LHFPL6: variants seen among roughly 807,000 people sequenced by gnomAD.
LHFPL6 encodes the protein LHFPL tetraspan subfamily member 6.
Under a neutral mutation model 20.6 loss-of-function variants are expected in LHFPL6, and 9 were observed. The ratio of observed to expected loss-of-function variants is 0.44; its 90% CI spans 0.26 to 0.76. The LOEUF (loss-of-function observed/expected upper bound fraction) is 0.76, where lower values mean the gene tolerates loss of function less well. Ranked by LOEUF, LHFPL6 falls within the 30% of genes least tolerant of loss-of-function variation. The pLI, the probability that LHFPL6 is intolerant of heterozygous loss-of-function variation, is 0.20. For synonymous variants in LHFPL6, 105 were observed against 98.7 expected (o/e 1.06, Z -0.38); for missense variants, 218 against 253.5 (o/e 0.86, Z 0.95).
chr13:39,402,996 A>G (rs920319574), intron 2 of LHFPL6, among the ~76,000 whole-genome samples: 2 of 152,198 alleles, frequency 1.3e-5, no homozygotes, highest in African/African-American at 4.8e-5. Context: ...GATGGAACCT[A>G]ATTACTGAAA....
At chr13:39,578,655 T>C (rs1170446597) in intron 2 of LHFPL6, among the ~76,000 whole-genome samples, 2 of 152,114 alleles carry the variant, frequency 1.3e-5, no homozygotes, top group African/African-American at 2.4e-5. Context: ...GTTTCCAGAA[T>C]ACGTTTCAAC....
At chr13:39,376,643 A>T (rs994857944) in intron 3 of LHFPL6, among the ~76,000 whole-genome samples, 7 of 152,046 alleles carry the variant, frequency 4.6e-5, no homozygotes, top group Non-Finnish European at 1.0e-4. Context: ...ATCTAACAGA[A>T]TTTTTTTTCA....
intron 2 of LHFPL6, among the ~76,000 whole-genome samples, chr13:39,437,581 G>C (rs1426847179): frequency 1.3e-5 from 2 of 152,232 alleles, no homozygotes; most frequent in East Asian, 3.9e-4. Context: ...ATAAATTATT[G>C]AGTCTCAGGT....
chr13:39,419,817 T>G (rs1475840706), intron 2 of LHFPL6, among the ~76,000 whole-genome samples: 1 of 152,198 alleles, frequency 6.6e-6, no homozygotes, highest in Admixed American at 6.5e-5. Context: ...AGTCTTTCCC[T>G]AAGGTAAACC....
At chr13:39,462,978 T>C (rs571341545) in intron 2 of LHFPL6, among the ~76,000 whole-genome samples, 1 of 152,278 alleles carries the variant, frequency 6.6e-6, no homozygotes, top group Admixed American at 6.5e-5. Context: ...AAGGGTGCCA[T>C]GAACATGTTC....
chr13:39,557,244 C>T (rs1034414366), intron 2 of LHFPL6, among the ~76,000 whole-genome samples: 1 of 152,246 alleles, frequency 6.6e-6, no homozygotes, highest in African/African-American at 2.4e-5. Context: ...CCACCCTGAT[C>T]AGCCTTAGGA....
intron 2 of LHFPL6, among the ~76,000 whole-genome samples, chr13:39,497,672 C>G (rs73464814): frequency 2.0e-5 from 3 of 152,024 alleles, no homozygotes; most frequent in East Asian, 1.9e-4. Flanking sequence ...AACTGATAAG[C>G]CTTTCTGCTT....
intron 2 of LHFPL6, among the ~76,000 whole-genome samples, chr13:39,490,340 G>T (rs73462890): frequency 6.6e-6 from 1 of 152,176 alleles, no homozygotes; most frequent in Non-Finnish European, 1.5e-5. Flanking sequence ...GTCTCTAAAA[G>T]CCTGATAGGG....
chr13:39,422,299 C>T (rs1015877579), intron 2 of LHFPL6, among the ~76,000 whole-genome samples: 2 of 152,016 alleles, frequency 1.3e-5, no homozygotes. Context: ...GTGCAGTTAA[C>T]GTCAAGAAGA....
At chr13:39,456,863 C>T (rs1332991812) in intron 2 of LHFPL6, among the ~76,000 whole-genome samples, 1 of 151,142 alleles carries the variant, frequency 6.6e-6, no homozygotes, top group African/African-American at 2.4e-5. Flanking sequence ...ATGGCGTGAT[C>T]TCGGCTCACT....
At chr13:39,413,658 C>T (rs1871287101) in intron 2 of LHFPL6, among the ~76,000 whole-genome samples, 1 of 150,340 alleles carries the variant, frequency 6.7e-6, no homozygotes, top group Admixed American at 6.7e-5. Flanking sequence ...AATAAGTGAA[C>T]ATATGTTTGC....
At chr13:39,353,038 G>A (rs1341772626) in intron 3 of LHFPL6, among the ~76,000 whole-genome samples, 7 of 144,502 alleles carry the variant, frequency 4.8e-5, no homozygotes, top group Non-Finnish European at 1.1e-4. Context: ...TCCCAGGCTG[G>A]AGTGCAATGG....
chr13:39,541,047 G>A (rs1870780811), intron 2 of LHFPL6, among the ~76,000 whole-genome samples: 1 of 152,156 alleles, frequency 6.6e-6, no homozygotes, highest in Non-Finnish European at 1.5e-5. Context: ...AGAGAAGTAA[G>A]CCTGACAAGA....
chr13:39,572,405 A>G (rs1416610190), intron 2 of LHFPL6, among the ~76,000 whole-genome samples: 1 of 152,060 alleles, frequency 6.6e-6, no homozygotes, highest in African/African-American at 2.4e-5. Context: ...GGGCCCAGAC[A>G]TAGATCTTCT....
intron 2 of LHFPL6, among the ~76,000 whole-genome samples, chr13:39,435,147 C>A (rs1328440117): frequency 3.4e-5 from 5 of 149,090 alleles, no homozygotes; most frequent in Admixed American, 2.0e-4. Context: ...GAGAAATATG[C>A]ACATAGAAAG....
chr13:39,409,484 A>G (rs566887241), intron 2 of LHFPL6, among the ~76,000 whole-genome samples: 2 of 152,150 alleles, frequency 1.3e-5, no homozygotes, highest in Admixed American at 1.3e-4. Flanking sequence ...AACAAAAAAA[A>G]CATTTGAAAT....
chr13:39,463,055 C>G (rs1014773185), intron 2 of LHFPL6, among the ~76,000 whole-genome samples: 3 of 152,226 alleles, frequency 2.0e-5, no homozygotes, highest in Non-Finnish European at 4.4e-5. Context: ...TAGTCTTCCT[C>G]TACCTCACCC....
chr13:39,514,329 G>T (rs1007704987), intron 2 of LHFPL6, among the ~76,000 whole-genome samples: 1 of 152,118 alleles, frequency 6.6e-6, no homozygotes, highest in African/African-American at 2.4e-5. Flanking sequence ...CACAATGAAA[G>T]CCCCAACCCC....
intron 2 of LHFPL6, among the ~76,000 whole-genome samples, chr13:39,552,634 A>G (rs985230995): frequency 6.6e-6 from 1 of 152,250 alleles, no homozygotes; most frequent in Non-Finnish European, 1.5e-5. Context: ...AAGGCTCTGC[A>G]TGGGACTAGC....
Sources: gnomAD v4.1 joint callset for allele counts (sites outside exome capture counted in the v4.1 genomes callset) on GRCh38, gnomAD v4.1.1 for gene constraint, MANE v1.5 for transcripts, NCBI Gene and HGNC (gene_info 2026-07-23, HGNC 2026-07-21) for gene names.